HS3ST4: variants seen among roughly 807,000 people sequenced by gnomAD.
HS3ST4 encodes the protein heparan sulfate glucosamine 3-O-sulfotransferase 4.
In HS3ST4, 17 loss-of-function variants were observed where a neutral mutation model predicts 29.2. The observed-to-expected ratio is 0.58, with a 90% CI of 0.40 to 0.87. The LOEUF (loss-of-function observed/expected upper bound fraction) is 0.87. Among genes scored for constraint, HS3ST4 ranks in the 40% least tolerant of loss-of-function variants. The pLI is 0.00. For synonymous variants in HS3ST4, 314 were observed against 285.7 expected (o/e 1.10, Z -1.00); for missense variants, 627 against 634.5 (o/e 0.99, Z 0.13).
chr16:25,762,329 A>G (rs950412867), intron 1 of HS3ST4, among the ~76,000 whole-genome samples: 2 of 152,058 alleles, frequency 1.3e-5, no homozygotes, highest in African/African-American at 4.8e-5. Flanking sequence ...CAGAGCCCAT[A>G]CTCATCTTCA....
At chr16:25,916,872 G>T (rs1233236373) in intron 1 of HS3ST4, among the ~76,000 whole-genome samples, 1 of 151,706 alleles carries the variant, frequency 6.6e-6, no homozygotes, top group Non-Finnish European at 1.5e-5. Flanking sequence ...GTAGACACGG[G>T]GTTTCACCGT....
chr16:25,831,999 G>A (rs1003895748), intron 1 of HS3ST4, among the ~76,000 whole-genome samples: 20 of 152,004 alleles, frequency 1.3e-4, no homozygotes, highest in African/African-American at 4.1e-4. Flanking sequence ...CCAGCTGCTC[G>A]GGAGGCTGAG....
intron 1 of HS3ST4, among the ~76,000 whole-genome samples, chr16:25,907,748 G>A (rs1392313471): frequency 1.3e-5 from 2 of 152,234 alleles, no homozygotes; most frequent in South Asian, 4.1e-4. Flanking sequence ...TGCAAAGTGC[G>A]TATTTTTAAT....
At chr16:25,863,479 C>T (rs1011394617) in intron 1 of HS3ST4, among the ~76,000 whole-genome samples, 2 of 152,136 alleles carry the variant, frequency 1.3e-5, no homozygotes, top group African/African-American at 4.8e-5. Context: ...ATCACATTTA[C>T]TATACTTTTA....
At chr16:25,934,489 A>G (rs948461289) in intron 1 of HS3ST4, among the ~76,000 whole-genome samples, 6 of 152,216 alleles carry the variant, frequency 3.9e-5, no homozygotes, top group Admixed American at 2.0e-4. Flanking sequence ...TTTATCAGGA[A>G]AGGCAGCTTT....
In HS3ST4 at chr16:26,109,261, A is replaced by T. The variant is rs981767221; in HGVS notation, c.735-26351A>T. ...TGTTGAGGCAGTAAAAGCTGGATGC[A>T]ATTTCTATTTCAGCGGCCCCGTTTC... On this transcript the variant is annotated intron_variant, in intron 1 of 1. Coordinates refer to ENST00000331351, the MANE Select transcript of HS3ST4 (RefSeq NM_006040.3). Among the ~76,000 whole-genome samples the T allele has an allele frequency of 3.9e-5, 6 of 152,114 alleles. No individual in the cohort carries two copies. In the East Asian group the frequency reaches 5.8e-4, roughly 15 times the overall value.
chr16:25,823,109 C>A (rs377713507), intron 1 of HS3ST4, among the ~76,000 whole-genome samples: 7 of 152,146 alleles, frequency 4.6e-5, no homozygotes, highest in African/African-American at 1.7e-4. Flanking sequence ...CCAGCTTCTT[C>A]TTTACACTTA....
chr16:25,843,992 A>G (rs1055733055), intron 1 of HS3ST4, among the ~76,000 whole-genome samples: 12 of 152,312 alleles, frequency 7.9e-5, no homozygotes, highest in African/African-American at 2.9e-4. Context: ...CTCCAGTGTA[A>G]ACTTTATGTT....
intron 1 of HS3ST4, among the ~76,000 whole-genome samples, chr16:26,052,079 A>AC (rs1438516412): frequency 2.6e-5 from 4 of 152,062 alleles, no homozygotes; most frequent in Non-Finnish European, 5.9e-5. Context: ...AAATGATCTG[A>AC]CCTACATTGA....
intron 1 of HS3ST4, among the ~76,000 whole-genome samples, chr16:25,933,869 A>G (rs1415003318): frequency 6.6e-6 from 1 of 152,154 alleles, no homozygotes; most frequent in Non-Finnish European, 1.5e-5. Flanking sequence ...ACTCATTACC[A>G]CAAAGCCAAC....
chr16:26,106,073 G>T (rs1899052098), intron 1 of HS3ST4, among the ~76,000 whole-genome samples: 1 of 152,168 alleles, frequency 6.6e-6, no homozygotes, highest in Non-Finnish European at 1.5e-5. Context: ...TCCTATGGTG[G>T]TTTCCTAAGA....
At chr16:26,069,513 C>T (rs968744684) in intron 1 of HS3ST4, among the ~76,000 whole-genome samples, 1 of 151,848 alleles carries the variant, frequency 6.6e-6, no homozygotes, top group African/African-American at 2.4e-5. Context: ...CAAGTAATCG[C>T]GGTTGATGCC....
chr16:25,752,741 G>T (rs545858559), intron 1 of HS3ST4, among the ~76,000 whole-genome samples: 1 of 152,276 alleles, frequency 6.6e-6, no homozygotes, highest in South Asian at 2.1e-4. Context: ...TTCCCCGATA[G>T]GTCTGCTATG....
At chr16:25,762,018 A>T (rs1966791418) in intron 1 of HS3ST4, among the ~76,000 whole-genome samples, 1 of 152,274 alleles carries the variant, frequency 6.6e-6, no homozygotes, top group African/African-American at 2.4e-5. Flanking sequence ...TGGGAGATGT[A>T]GTCTTGGGGA....
intron 1 of HS3ST4, among the ~76,000 whole-genome samples, chr16:25,893,819 G>T (rs951588196): frequency 1.3e-5 from 2 of 152,196 alleles, no homozygotes; most frequent in Admixed American, 1.3e-4. Context: ...TGCCTCATCT[G>T]CAATAATATC....
At chr16:25,911,869 G>A (rs1347465917) in intron 1 of HS3ST4, among the ~76,000 whole-genome samples, 1 of 152,052 alleles carries the variant, frequency 6.6e-6, no homozygotes, top group Non-Finnish European at 1.5e-5. Context: ...TGTGTCCTCA[G>A]GGCTTGCCAC....
intron 1 of HS3ST4, among the ~76,000 whole-genome samples, chr16:25,896,768 T>C (rs1003194692): frequency 2.6e-5 from 4 of 152,108 alleles, no homozygotes; most frequent in East Asian, 1.9e-4. Flanking sequence ...CCACAGTGGA[T>C]TGGATAAAGA....
At chr16:25,831,444 A>ACAC (rs1967298858) in intron 1 of HS3ST4, among the ~76,000 whole-genome samples, 4 of 90,804 alleles carry the variant, frequency 4.4e-5, no homozygotes, top group Admixed American at 1.1e-4. Context: ...CACACACACA[A>ACAC]ACCTGACGTG....
intron 1 of HS3ST4, among the ~76,000 whole-genome samples, chr16:25,869,705 A>G (rs1053251049): frequency 2.0e-5 from 3 of 152,162 alleles, no homozygotes; most frequent in Non-Finnish European, 2.9e-5. Context: ...TGATCCTCCC[A>G]GAAACTCTAT....
Sources: gnomAD v4.1 joint callset for allele counts (sites outside exome capture counted in the v4.1 genomes callset) on GRCh38, gnomAD v4.1.1 for gene constraint, MANE v1.5 for transcripts, NCBI Gene and HGNC (gene_info 2026-07-23, HGNC 2026-07-21) for gene names.